The following MYRIP variants were observed in gnomAD, a reference collection of about 807,000 sequenced individuals.
MYRIP encodes myosin VIIA and Rab interacting protein.
Under a neutral mutation model 98.0 loss-of-function variants are expected in MYRIP, and 49 were observed. That is an observed-to-expected ratio of 0.50 (90% CI 0.40 to 0.63). MYRIP has a LOEUF of 0.63. Ranked by LOEUF, MYRIP falls within the 30% of genes least tolerant of loss-of-function variation. The probability of loss-of-function intolerance (pLI) is 0.00; values close to 1 mark genes in which losing one functional copy is unlikely to be tolerated. For missense variants in MYRIP, 1,004 were observed against 1,058.2 expected, an observed-to-expected ratio of 0.95 and a Z score of 0.71; for synonymous variants, 404 against 409.5, an observed-to-expected ratio of 0.99 and a Z score of 0.16.
At chr3:40,119,185 C>G (rs551281671) in intron 3 of MYRIP, among the ~76,000 whole-genome samples, 1 of 152,116 alleles carries the variant, frequency 6.6e-6, no homozygotes, top group African/African-American at 2.4e-5. Flanking sequence ...AACTAGATTA[C>G]AGTCCCACCA....
chr3:39,967,988 G>A (rs1001606645), intron 2 of MYRIP, among the ~76,000 whole-genome samples: 1 of 152,142 alleles, frequency 6.6e-6, no homozygotes, highest in Non-Finnish European at 1.5e-5. Flanking sequence ...TTAGACGTCT[G>A]TCAGATGCAT....
intron 1 of MYRIP, among the ~76,000 whole-genome samples, chr3:39,868,774 T>A (rs1317242552): frequency 6.6e-6 from 1 of 152,096 alleles, no homozygotes; most frequent in Non-Finnish European, 1.5e-5. Flanking sequence ...CCCAAACACC[T>A]CCTTTACGGA....
chr3:39,832,908 A>G (rs1290020862), intron 1 of MYRIP, among the ~76,000 whole-genome samples: 2 of 152,210 alleles, frequency 1.3e-5, no homozygotes, highest in Non-Finnish European at 2.9e-5. Flanking sequence ...GAAGAAATTC[A>G]TTAATGTGGA....
chr3:40,199,838 A>C (rs1951503506), intron 10 of MYRIP, among the ~76,000 whole-genome samples: 1 of 152,074 alleles, frequency 6.6e-6, no homozygotes, highest in South Asian at 2.1e-4. Flanking sequence ...GAGAAGACAA[A>C]TCATAATATG....
chr3:40,258,014 C>G lies in MYRIP; in HGVS notation c.2548-120C>G. The G allele has an allele frequency of 4.7e-6, 5 of 1,072,214 alleles. No individual in the cohort carries two copies. The South Asian group carries it at 6.4e-5, about 14-fold the overall frequency. The allele number at this position is 1,072,214 out of a possible 1,614,324, so 66.4% of individuals were successfully genotyped here. ...TCAGTTTCTAAATGTTGTGAAACATCTAACTGGTCAAAAAGCATGAATAGC... is the reference window on the plus strand; with the variant it reads ...TCAGTTTCTAAATGTTGTGAAACATGTAACTGGTCAAAAAGCATGAATAGC... On this transcript the variant is annotated intron_variant, in intron 16 of 16. Coordinates refer to ENST00000302541, the MANE Select transcript of MYRIP (RefSeq NM_015460.4).
intron 2 of MYRIP, among the ~76,000 whole-genome samples, chr3:39,913,077 A>T (rs9827484): frequency 1.3e-5 from 2 of 151,952 alleles, no homozygotes; most frequent in Non-Finnish European, 2.9e-5. Context: ...TATATAATAC[A>T]TTCTTCAATA....
chr3:39,971,995 C>A (rs1945595351), intron 2 of MYRIP, among the ~76,000 whole-genome samples: 1 of 152,010 alleles, frequency 6.6e-6, no homozygotes, highest in Non-Finnish European at 1.5e-5. Context: ...CAATAAAATG[C>A]CAGTAAAATT....
intron 1 of MYRIP, among the ~76,000 whole-genome samples, chr3:39,894,537 T>C (rs1209604701): frequency 6.6e-6 from 1 of 152,256 alleles, no homozygotes; most frequent in African/African-American, 2.4e-5. Flanking sequence ...ACGGTTCATT[T>C]GGATCTATTT....
At chr3:40,001,436 G>A (rs1479332959) in intron 2 of MYRIP, among the ~76,000 whole-genome samples, 1 of 152,120 alleles carries the variant, frequency 6.6e-6, no homozygotes, top group African/African-American at 2.4e-5. Flanking sequence ...TTCCCTCACT[G>A]GTAAGTACAG....
chr3:39,821,182 G>GC (rs2125572497), intron 1 of MYRIP, among the ~76,000 whole-genome samples: 1 of 152,334 alleles, frequency 6.6e-6, no homozygotes, highest in South Asian at 2.1e-4. Context: ...GCAGAAGGAT[G>GC]TGCTCTGCAT....
intron 1 of MYRIP, among the ~76,000 whole-genome samples, chr3:39,847,902 T>A (rs567361777): frequency 2.0e-4 from 31 of 152,282 alleles, no homozygotes; most frequent in Non-Finnish European, 3.4e-4. Flanking sequence ...TTCTCTATGT[T>A]TATGAGTAAA....
chr3:40,155,233 T>C (rs1484589366), intron 4 of MYRIP, among the ~76,000 whole-genome samples: 2 of 149,868 alleles, frequency 1.3e-5, no homozygotes, highest in Non-Finnish European at 1.5e-5. Context: ...TGAGTGAGAA[T>C]ATGTGGTGTT....
At chr3:40,219,580 C>T (rs13060021) in intron 11 of MYRIP, among the ~76,000 whole-genome samples, 14,548 of 151,798 alleles carry the variant, frequency 0.096, 969 homozygotes, top group African/African-American at 0.2. Flanking sequence ...TGAGAACATG[C>T]GGTGTTTGGT....
intron 1 of MYRIP, among the ~76,000 whole-genome samples, chr3:39,830,294 G>A (rs560721640): frequency 3.5e-4 from 54 of 152,222 alleles, no homozygotes; most frequent in African/African-American, 1.2e-3. Context: ...CCATACCTGC[G>A]TTTAGGATGC....
At chr3:39,813,917 CCTAA>C (rs780360573) in intron 1 of MYRIP, among the ~76,000 whole-genome samples, 68 of 152,048 alleles carry the variant, frequency 4.5e-4, no homozygotes, top group Middle Eastern at 6.8e-3. Flanking sequence ...ATTTTTTTCA[CCTAA>C]CTTTTTTTAC....
intron 2 of MYRIP, among the ~76,000 whole-genome samples, chr3:40,013,778 T>C (rs1014019885): frequency 1.3e-5 from 2 of 152,242 alleles, no homozygotes; most frequent in African/African-American, 4.8e-5. Flanking sequence ...GGAATCAGCA[T>C]CTGCAAAAGT....
intron 3 of MYRIP, among the ~76,000 whole-genome samples, chr3:40,065,794 A>G (rs1395091182): frequency 1.3e-5 from 2 of 152,116 alleles, no homozygotes; most frequent in Non-Finnish European, 2.9e-5. Context: ...TCATTCTACC[A>G]TGTCCTGAAG....
chr3:39,975,497 C>T lies in MYRIP; in HGVS notation c.111-68553C>T, dbSNP rs557761662. ...CCAAGGTAATTTACAGATTCAATGC[C>T]ATCCCCATCAAGCTACCAATGACTT... On this transcript the variant is annotated intron_variant, in intron 2 of 16. Transcript: ENST00000302541. 8.6e-5 allele frequency among the ~76,000 whole-genome samples: 13 copies of T among 151,986 alleles called. No individual in the cohort carries two copies. The East Asian group carries it at 2.3e-3, about 27-fold the overall frequency.
At chr3:40,204,233 ATATTTTTT>A (rs1559452141) in intron 10 of MYRIP, among the ~76,000 whole-genome samples, 13 of 21,376 alleles carry the variant, frequency 6.1e-4, no homozygotes, top group Non-Finnish European at 1.3e-3. Flanking sequence ...AAATATATAT[ATATTTTTT>A]TTTTTTGAGA....
Sources: allele counts gnomAD v4.1 joint callset (sites outside exome capture counted in the v4.1 genomes callset), GRCh38; gene constraint gnomAD v4.1.1; transcripts MANE v1.5; gene names NCBI Gene and HGNC (gene_info 2026-07-23, HGNC 2026-07-21).